AGBL1: variants seen among roughly 807,000 people sequenced by gnomAD.
AGBL1 encodes cytosolic carboxypeptidase 4.
A neutral mutation model predicts 118.9 loss-of-function variants in AGBL1; 130 were observed. That is an observed-to-expected ratio of 1.09 (90% CI 0.95 to 1.26). The LOEUF is 1.26. Among genes scored for constraint, AGBL1 ranks in the 50% most tolerant of loss-of-function variants. The pLI, the probability that AGBL1 is intolerant of heterozygous loss-of-function variation, is 0.00. For missense variants in AGBL1, 1,584 were observed against 1,298.1 expected, an observed-to-expected ratio of 1.22 and a Z score of -3.38; for synonymous variants, 555 against 478.9, an observed-to-expected ratio of 1.16 and a Z score of -2.08.
intron 15 of AGBL1, among the ~76,000 whole-genome samples, chr15:86,277,110 A>G (rs541452952): frequency 6.6e-6 from 1 of 151,762 alleles, no homozygotes; most frequent in African/African-American, 2.4e-5. Flanking sequence ...AATTTCTTTT[A>G]GCTGAAAGTC....
chr15:86,622,800 A>G (rs1449178603), intron 21 of AGBL1, among the ~76,000 whole-genome samples: 3 of 152,180 alleles, frequency 2.0e-5, no homozygotes, highest in Non-Finnish European at 4.4e-5. Flanking sequence ...CTTTATTTTT[A>G]TTAATATTAC....
chr15:86,154,779 C>T (rs1200743997), intron 4 of AGBL1, among the ~76,000 whole-genome samples: 1 of 152,070 alleles, frequency 6.6e-6, no homozygotes, highest in African/African-American at 2.4e-5. Flanking sequence ...TGAGTCTGCT[C>T]CTAGAGATGG....
intron 19 of AGBL1, among the ~76,000 whole-genome samples, chr15:86,527,432 G>A (rs1312880611): frequency 6.6e-6 from 1 of 152,150 alleles, no homozygotes; most frequent in Non-Finnish European, 1.5e-5. Flanking sequence ...CCATCTGAGA[G>A]GTGGGTGAGA....
intron 12 of AGBL1, among the ~76,000 whole-genome samples, 172 bp downstream of exon 12, chr15:86,266,629 G>A (rs531044238): frequency 6.6e-6 from 1 of 152,328 alleles, no homozygotes; most frequent in African/African-American, 2.4e-5. Context: ...TCGGCCAGGC[G>A]CAGTGGCTCA....
At chr15:86,747,589 A>G (rs1338618692) in intron 22 of AGBL1, among the ~76,000 whole-genome samples, 5 of 152,058 alleles carry the variant, frequency 3.3e-5, no homozygotes, top group South Asian at 4.1e-4. Flanking sequence ...TTAACTCGTC[A>G]TTTACATTGG....
intron 5 of AGBL1, among the ~76,000 whole-genome samples, chr15:86,171,839 A>G (rs1387979631): frequency 2.6e-5 from 4 of 152,242 alleles, no homozygotes; most frequent in Admixed American, 6.5e-5. Flanking sequence ...GTATAAATAT[A>G]CCGTGGGATA....
chr15:86,252,926 C>T (rs1031719979), intron 7 of AGBL1, among the ~76,000 whole-genome samples: 1 of 152,164 alleles, frequency 6.6e-6, no homozygotes, highest in Non-Finnish European at 1.5e-5. Context: ...TTCAAAGAAT[C>T]ACCGCAAAGA....
intron 22 of AGBL1, among the ~76,000 whole-genome samples, chr15:86,709,625 C>T (rs180829730): frequency 6.6e-6 from 1 of 152,090 alleles, no homozygotes; most frequent in African/African-American, 2.4e-5. Flanking sequence ...CAAAGAATAG[C>T]CAACACAATC....
intron 17 of AGBL1, among the ~76,000 whole-genome samples, chr15:86,368,756 G>A (rs1038377947): frequency 1.3e-5 from 2 of 152,146 alleles, no homozygotes; most frequent in Non-Finnish European, 1.5e-5. Flanking sequence ...AGAGAATGAA[G>A]GGAATGGTGG....
chr15:86,331,969 C>T (rs925504191), intron 17 of AGBL1, among the ~76,000 whole-genome samples: 2 of 152,152 alleles, frequency 1.3e-5, no homozygotes, highest in East Asian at 1.9e-4. Context: ...ACTTAAAAGG[C>T]ATAGTGTGGC....
chr15:86,855,629 A>G (rs907802335), intron 22 of AGBL1, among the ~76,000 whole-genome samples: 7 of 152,334 alleles, frequency 4.6e-5, no homozygotes, highest in African/African-American at 1.7e-4. Context: ...TACATGTTTA[A>G]TTGCACATCA....
intron 1 of AGBL1, chr15:86,109,871 A>G (rs1174987102): frequency 6.6e-6 from 1 of 152,224 alleles, no homozygotes; most frequent in Non-Finnish European, 1.5e-5. Context: ...CCTGGAAGCC[A>G]TTGCTATAAT....
intron 23 of AGBL1, among the ~76,000 whole-genome samples, chr15:86,928,840 C>G (rs1352787734): frequency 6.6e-6 from 1 of 150,962 alleles, no homozygotes; most frequent in Non-Finnish European, 1.5e-5. Context: ...TTAATTTAAG[C>G]TGTGTTAATT....
At chr15:86,791,327 T>G (rs1396130585) in intron 22 of AGBL1, among the ~76,000 whole-genome samples, 2 of 152,198 alleles carry the variant, frequency 1.3e-5, no homozygotes, top group African/African-American at 4.8e-5. Flanking sequence ...TTTGTATGAC[T>G]TTGAATAAGT....
intron 22 of AGBL1, among the ~76,000 whole-genome samples, chr15:86,732,830 A>G (rs2077543333): frequency 6.6e-6 from 1 of 151,676 alleles, no homozygotes; most frequent in Non-Finnish European, 1.5e-5. Context: ...GCATTAGAAG[A>G]TATATTAGGG....
At chr15:86,894,308 A>C (rs2080092177) in intron 22 of AGBL1, among the ~76,000 whole-genome samples, 1 of 152,190 alleles carries the variant, frequency 6.6e-6, no homozygotes, top group Non-Finnish European at 1.5e-5. Flanking sequence ...CAGGTTTGAA[A>C]AATCAAGAGG....
At chr15:86,833,819 G>T (rs932305441) in intron 22 of AGBL1, among the ~76,000 whole-genome samples, 6 of 152,094 alleles carry the variant, frequency 3.9e-5, no homozygotes, top group Non-Finnish European at 2.9e-5. Context: ...CATGGGTCCA[G>T]AAATCAGTGT....
intron 22 of AGBL1, among the ~76,000 whole-genome samples, chr15:86,785,373 T>TTTG (rs2078394577): frequency 7.2e-6 from 1 of 139,738 alleles, no homozygotes; most frequent in African/African-American, 2.7e-5. Context: ...TTTTTTTTTT[T>TTTG]TTTTTGTTTT....
At chr15:86,489,046 A>C (rs368066570) in intron 18 of AGBL1, among the ~76,000 whole-genome samples, 54 of 152,156 alleles carry the variant, frequency 3.5e-4, no homozygotes, top group African/African-American at 1.2e-3. Flanking sequence ...TCTTGGACTA[A>C]CTAGTCTTCA....
Sources: gnomAD v4.1 joint callset for allele counts (sites outside exome capture counted in the v4.1 genomes callset) on GRCh38, gnomAD v4.1.1 for gene constraint, MANE v1.5 for transcripts, NCBI Gene and HGNC (gene_info 2026-07-23, HGNC 2026-07-21) for gene names.